WBP2: variants seen among roughly 807,000 people sequenced by gnomAD.
WBP2 encodes WW domain binding protein 2.
WBP2 carries 23 observed loss-of-function variants against 33.0 expected under a neutral mutation model. The ratio of observed to expected loss-of-function variants is 0.70; its 90% CI spans 0.50 to 0.99. The LOEUF is 0.99. Among genes scored for constraint, WBP2 ranks in the 50% least tolerant of loss-of-function variants. The probability of loss-of-function intolerance (pLI) is 0.00; values close to 1 mark genes in which losing one functional copy is unlikely to be tolerated. For missense variants in WBP2, 353 were observed against 358.0 expected (o/e 0.99, Z 0.11); for synonymous variants, 153 against 133.5 (o/e 1.15, Z -1.01).
intron 2 of WBP2, chr17:75,851,298 C>A: frequency 3.0e-6 from 1 of 329,686 alleles, no homozygotes; most frequent in Non-Finnish European, 5.9e-6. Flanking sequence ...GTCATGCCAG[C>A]GGCTGCATCC....
rs375391522 is a variant in WBP2, at chr17:75,855,222, T to A, written c.59+17A>T. On this transcript the variant is annotated intron_variant, in intron 1 of 7. Coordinates refer to ENST00000254806, the MANE Select transcript of WBP2 (RefSeq NM_012478.4). Reference sequence around the variant, plus strand: ...CCCGAACTTTGGTCCTCCAGGATCCTTCCGCAGTGTTTTCACCTCTCGGTG... The same window carrying A: ...CCCGAACTTTGGTCCTCCAGGATCCATCCGCAGTGTTTTCACCTCTCGGTG... The A allele has an allele frequency of 1.3e-5, 19 of 1,416,760 alleles. No homozygotes were observed. In the South Asian group the frequency reaches 2.2e-4, roughly 16 times the overall value. 87.8% of individuals were successfully genotyped at this position (1,416,760 alleles called of 1,614,324 possible).
At chr17:75,856,031 C>T (rs545444628), upstream of WBP2, among the ~76,000 whole-genome samples, 8 of 152,356 alleles carry the variant, frequency 5.3e-5, no homozygotes, top group East Asian at 1.9e-4. Context: ...GCCGGGCGCC[C>T]CTCGCAGCCC....
Position 75,846,697 on chromosome 17 carries a change from A to C in WBP2, c.*37T>G. On this transcript the variant is annotated 3_prime_UTR_variant, in exon 8 of 8. Coordinates refer to ENST00000254806, the MANE Select transcript of WBP2 (RefSeq NM_012478.4). The surrounding 1 kb of genome is among the most constrained non-coding windows in gnomAD (Gnocchi z 4.8). Reference sequence around the variant, plus strand: ...ACAGCCCCGATGGGAGGGGTAGGGTAGAGAGATGAGGGTGGGAGGCAGGGA... The same window carrying C: ...ACAGCCCCGATGGGAGGGGTAGGGTCGAGAGATGAGGGTGGGAGGCAGGGA... The C allele has an allele frequency of 1.3e-6, 2 of 1,502,450 alleles. No homozygotes were observed. The highest frequency in any genetic ancestry group is 1.8e-6 in the Non-Finnish European group (2 of 1,119,920). 93.1% of individuals were successfully genotyped at this position (1,502,450 alleles called of 1,614,324 possible). A position where few individuals can be genotyped will look rare whatever the true frequency, so the allele number is the denominator to read the frequency against.
intron 1 of WBP2, among the ~76,000 whole-genome samples, chr17:75,854,394 C>T (rs1026423766): frequency 2.6e-5 from 4 of 152,148 alleles, no homozygotes; most frequent in Admixed American, 6.6e-5. Context: ...CAAAAGGAGA[C>T]AGAGGCCATT....
chr17:75,854,913 C>T (rs1293241143), intron 1 of WBP2, among the ~76,000 whole-genome samples: 2 of 152,144 alleles, frequency 1.3e-5, no homozygotes, highest in Middle Eastern at 3.2e-3. Context: ...CAATAAGTGA[C>T]AATTATTTTT....
intron 2 of WBP2, among the ~76,000 whole-genome samples, chr17:75,850,703 C>CT (rs561835196): frequency 2.0e-4 from 29 of 148,350 alleles, no homozygotes; most frequent in African/African-American, 4.4e-4. Context: ...GAGTCTAAGT[C>CT]TTTTTTTTTT....
intron 1 of WBP2, among the ~76,000 whole-genome samples, chr17:75,854,043 T>TAAAA (rs55857053): frequency 1.8e-5 from 1 of 55,448 alleles, no homozygotes; most frequent in Middle Eastern, 8.6e-3. Flanking sequence ...AGCCTCCATC[T>TAAAA]AAAAAAAAAA....
intron 2 of WBP2, among the ~76,000 whole-genome samples, chr17:75,850,159 C>T (rs1366591946): frequency 6.6e-6 from 1 of 152,120 alleles, no homozygotes; most frequent in Non-Finnish European, 1.5e-5. Context: ...AGGTCGCTAG[C>T]TCCCATTGAG....
chr17:75,851,743 G>T (rs974249564), intron 1 of WBP2, 67 bp from the exon 2 acceptor site: 1 of 1,227,414 alleles, frequency 8.1e-7, no homozygotes, highest in Non-Finnish European at 1.2e-6. Flanking sequence ...CCAGACACTG[G>T]GCCTTTCTCC....
intron 1 of WBP2, 141 bp from the exon 2 acceptor site, chr17:75,851,817 T>C (rs1306169748): frequency 6.4e-6 from 4 of 620,318 alleles, no homozygotes; most frequent in East Asian, 3.1e-5. Flanking sequence ...AAACTATTCA[T>C]AGGGCTGGGC....
chr17:75,851,791 C>T (rs946524258), intron 1 of WBP2, 115 bp from the exon 2 acceptor site: 1 of 752,448 alleles, frequency 1.3e-6, no homozygotes, highest in African/African-American at 1.7e-5. Flanking sequence ...CATAACCTCT[C>T]AATAGTGCGG....
At position 75,847,002 on chromosome 17, in the gene WBP2, C is replaced by T. The variant is rs752022284; in HGVS notation, c.656-18G>A. On this transcript the variant is annotated intron_variant, in intron 6 of 7. Transcript: ENST00000254806. ...GGCTTCGGCTGTGAGAGCAAACACA[C>T]CTGGTGTCGGTGACAAGTTCTCCTC... 1 of 1,613,948 alleles carries T rather than the reference C, an allele frequency of 6.2e-7. No individual in the cohort carries two copies. The highest frequency in any genetic ancestry group is 8.5e-7 in the Non-Finnish European group (1 of 1,179,950).
intron 3 of WBP2, 200 bp downstream of exon 3, chr17:75,849,404 G>A (rs1329107572): frequency 4.9e-6 from 3 of 613,130 alleles, no homozygotes; most frequent in African/African-American, 1.8e-5. Flanking sequence ...CTGAAAAGCT[G>A]ATCTGAGCTG....
chr17:75,846,773 T>A lies in WBP2; in HGVS notation c.747A>T (p.Pro249=). The A allele has an allele frequency of 6.5e-7, 1 of 1,544,646 alleles. No homozygotes were observed. The highest frequency in any genetic ancestry group is 8.7e-7 in the Non-Finnish European group (1 of 1,144,190). Residue 249 remains proline (P), a synonymous_variant, in exon 8 of 8, where the codon CCA becomes CCT. Coordinates refer to ENST00000254806, the MANE Select transcript of WBP2 (RefSeq NM_012478.4). This position sits in a 1 kb window ranked among gnomAD's most constrained non-coding sequence, Gnocchi z 4.8. ...NVYMPTSQPP[P]PPYYPPEDKK... ...TATCTTCCGGTGGGTAGTAGGGAGG[T>A]GGCGGCGGCTGGCTCTAAAGAAGGG... is the stretch of plus-strand genomic sequence containing the variant.
chr17:75,852,904 G>A (rs111892754), intron 1 of WBP2: 1 of 623,100 alleles, frequency 1.6e-6, no homozygotes, highest in Admixed American at 6.3e-5. Context: ...GGGTTCTTAA[G>A]CGGGGTTTGC....
rs1022929816 is a variant in WBP2 at position 75,847,477 on chromosome 17, G to A, written c.655+10C>T. 22 of 1,590,228 alleles carry A rather than the reference G, an allele frequency of 1.4e-5. No individual in the cohort carries two copies. Among genetic ancestry groups the A allele is most frequent in the Non-Finnish European group, 1.9e-5 (22 of 1,169,472 alleles). On this transcript the variant is annotated intron_variant, in intron 6 of 7. Coordinates refer to ENST00000254806, the MANE Select transcript of WBP2 (RefSeq NM_012478.4). The stretch of plus-strand genomic sequence containing the variant: ...GTCCCGAAGGGCTGCCAGCACCCAA[G>A]GGCCCTCACCTGCAGGAGTGGAGGG...
At chr17:75,852,735 G>A (rs1365117236) in intron 1 of WBP2, 13 of 964,620 alleles carry the variant, frequency 1.3e-5, no homozygotes, top group East Asian at 1.1e-4. Flanking sequence ...GATTACAGGC[G>A]TGAGCCACTG....
rs754871607 is a variant in WBP2 at position 75,847,603 on chromosome 17, T to A, written c.539A>T (p.Tyr180Phe). Reference sequence around the variant, plus strand: ...CCCGTCCATCATGGGGGGTCCTGGATAGAACTCTGCTCGGTGAGAGAGTAA... The same window carrying A: ...CCCGTCCATCATGGGGGGTCCTGGAAAGAACTCTGCTCGGTGAGAGAGTAA... ...YPYPPPPPEF[Y>F]PGPPMMDGAM... The change falls in exon 6 of 8, where the codon TAT becomes TTT. Residue 180 changes from tyrosine (Y) to phenylalanine (F), a missense_variant. By Grantham distance (22) the Tyr-to-Phe change is conservative. Coordinates refer to ENST00000254806, the MANE Select transcript of WBP2 (RefSeq NM_012478.4). 1 of 1,612,898 alleles carries A rather than the reference T, an allele frequency of 6.2e-7. No individual in the cohort carries two copies. The highest frequency in any genetic ancestry group is 1.7e-5 in the Admixed American group (1 of 59,922).
chr17:75,853,614 G>A (rs866206093), intron 1 of WBP2, among the ~76,000 whole-genome samples: 1 of 152,142 alleles, frequency 6.6e-6, no homozygotes. Flanking sequence ...CTCACACACA[G>A]AGATGCAACA....
Sources: allele counts gnomAD v4.1 joint callset (sites outside exome capture counted in the v4.1 genomes callset), GRCh38; gene constraint gnomAD v4.1.1; non-coding constraint Gnocchi (gnomAD v3.1); transcripts MANE v1.5; gene names NCBI Gene and HGNC (gene_info 2026-07-23, HGNC 2026-07-21).